EPM2A: variants seen among roughly 807,000 people sequenced by gnomAD.
EPM2A encodes the protein EPM2A glucan phosphatase, laforin.
Under a neutral mutation model 26.5 loss-of-function variants are expected in EPM2A, and 21 were observed. The observed-to-expected ratio is 0.79, with a 90% CI of 0.56 to 1.14. EPM2A has a LOEUF of 1.14. EPM2A is among the 50% of genes most tolerant of loss of function. The pLI, the probability that EPM2A is intolerant of heterozygous loss-of-function variation, is 0.00. For missense variants in EPM2A, 458 were observed against 440.8 expected (o/e 1.04, Z -0.35); for synonymous variants, 217 against 177.6 (o/e 1.22, Z -1.76).
At chr6:145,434,956 G>A (rs2114695117) in intron 4 of EPM2A, among the ~76,000 whole-genome samples, 1 of 152,218 alleles carries the variant, frequency 6.6e-6, no homozygotes, top group Admixed American at 6.5e-5. Flanking sequence ...AGATCTGGTT[G>A]TTTAAAAGTG....
At chr6:145,683,806 G>T (rs1329234034) in intron 2 of EPM2A, among the ~76,000 whole-genome samples, 3 of 152,048 alleles carry the variant, frequency 2.0e-5, no homozygotes, top group Non-Finnish European at 4.4e-5. Context: ...AGCACAGCTT[G>T]CCCCCAACAC....
intron 1 of EPM2A, among the ~76,000 whole-genome samples, chr6:145,704,311 A>T (rs1000268137): frequency 2.6e-5 from 4 of 152,172 alleles, no homozygotes; most frequent in African/African-American, 4.8e-5. Context: ...TAGTTATCAA[A>T]TTTTTTTCTA....
rs574353588 is a variant in EPM2A at position 145,466,834 on chromosome 6, T to A, written c.555+35688A>T. ...AGCCATAAAAAATGATGAGTTCATGTCCTTTGTAGGGACATGGATGAAATT... is the reference window on the plus strand; with the variant it reads ...AGCCATAAAAAATGATGAGTTCATGACCTTTGTAGGGACATGGATGAAATT... On this transcript the variant is annotated intron_variant, in intron 4 of 4. Coordinates refer to the EPM2A transcript ENST00000638717. 1.4e-3 allele frequency among the ~76,000 whole-genome samples: 206 copies of A among 152,314 alleles called. 1 individual carries two copies. The highest frequency in any genetic ancestry group is 4.8e-3 in the African/African-American group (199 of 41,558).
At chr6:145,541,015 T>C (rs1780499406) in intron 2 of EPM2A, among the ~76,000 whole-genome samples, 3 of 152,158 alleles carry the variant, frequency 2.0e-5, no homozygotes, top group African/African-American at 7.2e-5. Context: ...GATGCAATAC[T>C]CTTTAACATA....
At chr6:145,659,012 T>C (rs1284474253) in intron 2 of EPM2A, among the ~76,000 whole-genome samples, 1 of 152,194 alleles carries the variant, frequency 6.6e-6, no homozygotes, top group Non-Finnish European at 1.5e-5. Flanking sequence ...TCAAATAGTT[T>C]CAAAGGAGAT....
intron 4 of EPM2A, among the ~76,000 whole-genome samples, chr6:145,487,583 C>T (rs1417088429): frequency 6.6e-6 from 1 of 152,186 alleles, no homozygotes; most frequent in Non-Finnish European, 1.5e-5. Flanking sequence ...TTGCATTTCT[C>T]TGATGATCAA....
intron 2 of EPM2A, among the ~76,000 whole-genome samples, chr6:145,541,308 G>A (rs1356513304): frequency 1.4e-5 from 2 of 146,476 alleles, no homozygotes; most frequent in Non-Finnish European, 3.0e-5. Flanking sequence ...TTGTGTGTGT[G>A]TGTATATACA....
intron 4 of EPM2A, among the ~76,000 whole-genome samples, chr6:145,395,184 G>A (rs140259212): frequency 7.8e-4 from 118 of 152,194 alleles, no homozygotes; most frequent in African/African-American, 2.6e-3. Context: ...CAGAGCTTGC[G>A]TTTCCAACCT....
intron 2 of EPM2A, among the ~76,000 whole-genome samples, chr6:145,643,419 G>A (rs1350760034): frequency 2.6e-5 from 4 of 152,066 alleles, no homozygotes; most frequent in Admixed American, 6.6e-5. Flanking sequence ...ATAAAGTAGG[G>A]TTTGACTGAA....
At chr6:145,576,362 G>A (rs1448761496) in intron 2 of EPM2A, among the ~76,000 whole-genome samples, 1 of 131,334 alleles carries the variant, frequency 7.6e-6, no homozygotes, top group Non-Finnish European at 1.7e-5. Flanking sequence ...AAAATAGTCT[G>A]GAAATGAGGC....
chr6:145,510,107 A>T (rs1258974120), intron 2 of EPM2A, among the ~76,000 whole-genome samples: 1 of 152,118 alleles, frequency 6.6e-6, no homozygotes, highest in Non-Finnish European at 1.5e-5. Flanking sequence ...GGACCTAAAA[A>T]AAAAAAGACT....
At chr6:145,391,518 GC>G (rs908646615) in intron 4 of EPM2A, among the ~76,000 whole-genome samples, 5 of 152,132 alleles carry the variant, frequency 3.3e-5, no homozygotes, top group Admixed American at 6.5e-5. Context: ...ACATGTGCCT[GC>G]CCCCCCTTTG....
downstream of EPM2A, among the ~76,000 whole-genome samples, chr6:145,496,728 A>ATGTTTTGTTTTTTTTTTTTTT (rs779194973): frequency 9.4e-6 from 1 of 106,908 alleles, no homozygotes; most frequent in Non-Finnish European, 2.0e-5. Context: ...AGTTCCTGCA[A>ATGTTTTGTTTTTTTTTTTTTT]TTTTTTTTTT....
At chr6:145,512,734 A>C (rs1346770314) in intron 2 of EPM2A, among the ~76,000 whole-genome samples, 2 of 149,610 alleles carry the variant, frequency 1.3e-5, no homozygotes, top group Non-Finnish European at 3.0e-5. Flanking sequence ...AAAAAAAAAA[A>C]AAAAGATAGA....
At chr6:145,554,971 A>G (rs1269644089) in intron 2 of EPM2A, among the ~76,000 whole-genome samples, 1 of 152,112 alleles carries the variant, frequency 6.6e-6, no homozygotes. Context: ...AACTGATTTG[A>G]TGAAGACCAC....
intron 2 of EPM2A, among the ~76,000 whole-genome samples, chr6:145,532,135 G>A (rs1247109157): frequency 1.3e-5 from 2 of 152,144 alleles, no homozygotes; most frequent in Non-Finnish European, 2.9e-5. Flanking sequence ...TGCAAACCCG[G>A]AATAAGAACA....
At chr6:145,615,093 G>A (rs1164195851) in intron 2 of EPM2A, among the ~76,000 whole-genome samples, 5 of 152,166 alleles carry the variant, frequency 3.3e-5, no homozygotes, top group African/African-American at 7.2e-5. Flanking sequence ...AGCCAAAACA[G>A]GGTTGAATAC....
At chr6:145,436,155 A>G (rs1156527836) in intron 4 of EPM2A, among the ~76,000 whole-genome samples, 1 of 152,208 alleles carries the variant, frequency 6.6e-6, no homozygotes, top group African/African-American at 2.4e-5. Context: ...CGGCTCATCC[A>G]TGTTGCAGCA....
chr6:145,553,766 C>A (rs747236437), intron 2 of EPM2A, among the ~76,000 whole-genome samples: 1 of 149,704 alleles, frequency 6.7e-6, no homozygotes. Context: ...TGGAGACAGT[C>A]TTTTACCCTT....
Sources: gnomAD v4.1 joint callset for allele counts (sites outside exome capture counted in the v4.1 genomes callset) on GRCh38, gnomAD v4.1.1 for gene constraint, MANE v1.5 for transcripts, NCBI Gene and HGNC (gene_info 2026-07-23, HGNC 2026-07-21) for gene names.